Variants in CEP192 observed in about 807,000 individuals in gnomAD.
The protein encoded by CEP192 is centrosomal protein 192.
A neutral mutation model predicts 271.8 loss-of-function variants in CEP192; 151 were observed. That is an observed-to-expected ratio of 0.56 (90% CI 0.49 to 0.64). The LOEUF (loss-of-function observed/expected upper bound fraction) is 0.64, where lower values mean the gene tolerates loss of function less well. Ranked by LOEUF, CEP192 falls within the 30% of genes least tolerant of loss-of-function variation. The pLI, the probability that CEP192 is intolerant of heterozygous loss-of-function variation, is 0.00. For synonymous variants in CEP192, 995 were observed against 1,076.5 expected, an observed-to-expected ratio of 0.92 and a Z score of 1.48; for missense variants, 2,910 against 3,020.5, an observed-to-expected ratio of 0.96 and a Z score of 0.86.
intron 35 of CEP192, 52 bp from the exon 36 acceptor site, chr18:13,096,132 C>G: frequency 6.3e-7 from 1 of 1,589,926 alleles, no homozygotes; most frequent in East Asian, 2.2e-5. Context: ...TAATATTTGT[C>G]TTTTTCACTG....
intron 15 of CEP192, among the ~76,000 whole-genome samples, chr18:13,047,850 A>G (rs947874890): frequency 6.6e-6 from 1 of 152,212 alleles, no homozygotes; most frequent in African/African-American, 2.4e-5. Flanking sequence ...ACAATGACTC[A>G]GTGGCTTTTC....
Position 13,029,615 on chromosome 18 carries a change from C to T in CEP192, c.1051-48C>T, listed in dbSNP as rs887838517. The T allele has an allele frequency of 1.1e-5, 13 of 1,146,816 alleles. No individual in the cohort carries two copies. The African/African-American group carries it at 1.7e-4, about 15-fold the overall frequency. The allele number at this position is 1,146,816 out of a possible 1,614,324, so 71.0% of individuals were successfully genotyped here. On this transcript the variant is annotated intron_variant, in intron 9 of 44. Transcript: ENST00000506447. ...AAATTTTAAAATAAGTTATAAAAAACAAGACTTACTGTTGCTCTGTTAAAA... is the reference window on the plus strand; with the variant it reads ...AAATTTTAAAATAAGTTATAAAAAATAAGACTTACTGTTGCTCTGTTAAAA...
intron 42 of CEP192, 151 bp downstream of exon 42, chr18:13,114,402 T>C (rs924816395): frequency 1.1e-4 from 86 of 777,014 alleles, no homozygotes; most frequent in Middle Eastern, 5.7e-4. Flanking sequence ...AGAAAGTTCT[T>C]ACGTGTCCCT....
intron 8 of CEP192, 135 bp from the exon 9 acceptor site, chr18:13,018,947 G>A (rs2034824331): frequency 1.3e-6 from 1 of 793,004 alleles, no homozygotes; most frequent in South Asian, 2.2e-5. Context: ...TTCTCTCTAC[G>A]AAAATGGCTA....
intron 4 of CEP192, among the ~76,000 whole-genome samples, chr18:13,009,879 A>G (rs1725498013): frequency 6.6e-6 from 1 of 152,130 alleles, no homozygotes; most frequent in Non-Finnish European, 1.5e-5. Flanking sequence ...GAAACTACAA[A>G]AATATGGGGG....
intron 20 of CEP192, 41 bp downstream of exon 20, chr18:13,057,774 T>A: frequency 6.3e-7 from 1 of 1,593,012 alleles, no homozygotes; most frequent in Non-Finnish European, 8.6e-7. Context: ...AACAGTTGCA[T>A]TGTGATTAGG....
At chr18:12,996,356 G>A (rs1018096612) in intron 1 of CEP192, among the ~76,000 whole-genome samples, 1 of 152,082 alleles carries the variant, frequency 6.6e-6, no homozygotes, top group East Asian at 1.9e-4. Context: ...GCTAGGTGTT[G>A]GAGTTGTCAT....
chr18:13,046,743 C>A (rs2036502310), intron 15 of CEP192, among the ~76,000 whole-genome samples: 1 of 151,524 alleles, frequency 6.6e-6, no homozygotes, highest in African/African-American at 2.4e-5. Flanking sequence ...TATATTTAAC[C>A]CAATAAGACA....
At chr18:13,088,518 G>C (rs2038998370) in intron 32 of CEP192, among the ~76,000 whole-genome samples, 1 of 152,152 alleles carries the variant, frequency 6.6e-6, no homozygotes, top group Non-Finnish European at 1.5e-5. Flanking sequence ...TTAGGATGTT[G>C]ATTTAAGTTT....
chr18:13,101,158 TAGTC>T (rs1181995385), intron 38 of CEP192, among the ~76,000 whole-genome samples: 6 of 152,316 alleles, frequency 3.9e-5, no homozygotes, highest in Non-Finnish European at 7.3e-5. Flanking sequence ...CCACAGCTTC[TAGTC>T]AGCCGCAATC....
At chr18:13,106,778 C>T (rs996995146) in intron 40 of CEP192, among the ~76,000 whole-genome samples, 4 of 152,234 alleles carry the variant, frequency 2.6e-5, no homozygotes, top group East Asian at 3.8e-4. Flanking sequence ...CTGACAACTA[C>T]CATCATCATC....
chr18:13,047,220 A>G (rs761806136), intron 15 of CEP192, among the ~76,000 whole-genome samples: 1 of 152,160 alleles, frequency 6.6e-6, no homozygotes. Flanking sequence ...GTTTATTGGA[A>G]TTGAGCTGAT....
chr18:13,089,791 C>T (rs1035032200), intron 33 of CEP192, among the ~76,000 whole-genome samples: 3 of 152,334 alleles, frequency 2.0e-5, no homozygotes, highest in Admixed American at 6.5e-5. Context: ...TCTAGCTTTT[C>T]ATCCATACAG....
At chr18:12,997,909 G>C (rs1477696421) in intron 1 of CEP192, among the ~76,000 whole-genome samples, 1 of 152,004 alleles carries the variant, frequency 6.6e-6, no homozygotes. Context: ...ATTTTTAGTA[G>C]AGACGAGGTT....
intron 21 of CEP192, among the ~76,000 whole-genome samples, chr18:13,063,964 G>A (rs1173785099): frequency 1.3e-5 from 2 of 151,666 alleles, no homozygotes; most frequent in Admixed American, 1.3e-4. Flanking sequence ...GGGATTACAG[G>A]CATGCACCAC....
chr18:13,001,343 C>T lies in CEP192; in HGVS notation c.165-114C>T, dbSNP rs138276529. On this transcript the variant is annotated intron_variant, in intron 2 of 44. Coordinates refer to ENST00000506447, the MANE Select transcript of CEP192 (RefSeq NM_032142.4). The stretch of plus-strand genomic sequence containing the variant: ...GATGATGGTTTGAAATACAGGGGCC[C>T]TATTTGTTTTTACCCCGGTGGTTGG... The T allele has an allele frequency of 3.0e-3, 1,933 of 650,432 alleles. 37 individuals are homozygous for T. The highest frequency in any genetic ancestry group is 0.022 in the South Asian group (1,071 of 48,140). 40.3% of individuals were successfully genotyped at this position (650,432 alleles called of 1,614,324 possible).
intron 30 of CEP192, among the ~76,000 whole-genome samples, chr18:13,078,852 G>A (rs2038435297): frequency 6.6e-6 from 1 of 151,994 alleles, no homozygotes; most frequent in African/African-American, 2.4e-5. Flanking sequence ...TGTTCTCATT[G>A]TTCAATTCCC....
chr18:13,071,721 G>GT (rs986300791), intron 28 of CEP192, among the ~76,000 whole-genome samples: 1 of 148,162 alleles, frequency 6.7e-6, no homozygotes, highest in African/African-American at 2.5e-5. Context: ...ATTGTTTGTT[G>GT]TTGTTTTTTT....
intron 9 of CEP192, among the ~76,000 whole-genome samples, chr18:13,025,628 G>T (rs763537568): frequency 7.9e-5 from 12 of 152,112 alleles, no homozygotes; most frequent in Non-Finnish European, 1.6e-4. Context: ...AGAGTTTGCA[G>T]TATATATTTA....
Sources: allele counts gnomAD v4.1 joint callset (sites outside exome capture counted in the v4.1 genomes callset), GRCh38; gene constraint gnomAD v4.1.1; transcripts MANE v1.5; gene names NCBI Gene and HGNC (gene_info 2026-07-23, HGNC 2026-07-21).